Variants in NEMP1 observed in about 807,000 individuals in gnomAD.
NEMP1 encodes the protein transmembrane protein 194.
Under a neutral mutation model 53.7 loss-of-function variants are expected in NEMP1, and 29 were observed. The observed-to-expected ratio is 0.54, with a 90% CI of 0.40 to 0.74. The LOEUF (loss-of-function observed/expected upper bound fraction) is 0.74, where lower values mean the gene tolerates loss of function less well. Ranked by LOEUF, NEMP1 falls within the 30% of genes least tolerant of loss-of-function variation. The probability of loss-of-function intolerance (pLI) is 0.00; values close to 1 mark genes in which losing one functional copy is unlikely to be tolerated. For missense variants in NEMP1, 477 were observed against 528.6 expected, an observed-to-expected ratio of 0.90 and a Z score of 0.96; for synonymous variants, 193 against 192.9, an observed-to-expected ratio of 1.00 and a Z score of 0.00.
At chr12:57,073,552 G>A (rs1444387485) in intron 1 of NEMP1, among the ~76,000 whole-genome samples, 1 of 152,144 alleles carries the variant, frequency 6.6e-6, no homozygotes, top group Admixed American at 6.5e-5. Flanking sequence ...GCTGAGGCAG[G>A]AGAATCACTT....
upstream of NEMP1, among the ~76,000 whole-genome samples, chr12:57,088,448 G>C (rs1420835579): frequency 1.3e-5 from 2 of 152,158 alleles, no homozygotes; most frequent in Non-Finnish European, 2.9e-5. Context: ...CACACTATAC[G>C]GGAGTCAGAT....
chr12:57,084,237 A>G (rs2032930171), intron 1 of NEMP1, among the ~76,000 whole-genome samples: 1 of 152,156 alleles, frequency 6.6e-6, no homozygotes, highest in Non-Finnish European at 1.5e-5. Context: ...GCTGAGATTA[A>G]GGGCATAAAC....
Position 57,058,282 on chromosome 12 carries a change from C to T in NEMP1, c.*1597G>A, listed in dbSNP as rs1313785201. 6.6e-6 allele frequency: 1 copy of T among 152,158 alleles called. No homozygotes were observed. The highest frequency in any genetic ancestry group is 1.5e-5 in the Non-Finnish European group (1 of 68,028). 9.4% of individuals were successfully genotyped at this position (152,158 alleles called of 1,614,324 possible). On this transcript the variant is annotated 3_prime_UTR_variant, in exon 9 of 9. Coordinates refer to ENST00000300128, the MANE Select transcript of NEMP1 (RefSeq NM_001130963.2). Reference sequence around the variant, plus strand: ...TTTGGAAGTCTGCAATGGAGCTAGGCCTTTCAAAATTACCACGCTAAATGG... The same window carrying T: ...TTTGGAAGTCTGCAATGGAGCTAGGTCTTTCAAAATTACCACGCTAAATGG...
In NEMP1 at chr12:57,060,063, G is replaced by T; in HGVS notation, c.1155-4C>A. On this transcript the variant is annotated splice_polypyrimidine_tract_variant and splice_region_variant and intron_variant, in intron 8 of 8. Transcript: ENST00000300128. ...GCCTTCCACAAAGTCAGCAAATCTG[G>T]AAAAGAGAAGATAATACTCGTTAGA... 6.2e-7 allele frequency: 1 copy of T among 1,613,206 alleles called. No homozygotes were observed. Among genetic ancestry groups the T allele is most frequent in the Non-Finnish European group, 8.5e-7 (1 of 1,179,458 alleles).
In NEMP1 at chr12:57,057,264, C is replaced by T. The variant is rs899119100; in HGVS notation, c.*2615G>A. The T allele has an allele frequency of 6.6e-6, 1 of 152,238 alleles. No homozygotes were observed. Among genetic ancestry groups the T allele is most frequent in the South Asian group, 2.1e-4 (1 of 4,832 alleles). The allele number at this position is 152,238 out of a possible 1,614,324, so 9.4% of individuals were successfully genotyped here. On this transcript the variant is annotated 3_prime_UTR_variant, in exon 9 of 9. Transcript: ENST00000300128. ...TGACATTCACCCAGCAAGACGCTGA[C>T]GTGGCAGCAAACACGGCTCCAATGT... is the stretch of plus-strand genomic sequence containing the variant.
At chr12:57,087,242 C>T (rs1245553573) in intron 1 of NEMP1, among the ~76,000 whole-genome samples, 2 of 151,260 alleles carry the variant, frequency 1.3e-5, no homozygotes, top group African/African-American at 2.4e-5. Flanking sequence ...CCTACTCCGC[C>T]TCCTCCTTGG....
At chr12:57,076,233 T>C (rs1768647493) in intron 1 of NEMP1, among the ~76,000 whole-genome samples, 1 of 152,184 alleles carries the variant, frequency 6.6e-6, no homozygotes, top group South Asian at 2.1e-4. Context: ...ACAACATTAA[T>C]AATGATTTTT....
At chr12:57,065,505 T>C in intron 4 of NEMP1, among the ~76,000 whole-genome samples, 1 of 151,368 alleles carries the variant, frequency 6.6e-6, no homozygotes, top group East Asian at 1.9e-4. Flanking sequence ...AGCTTCTATA[T>C]CAGTGCTTGG....
chr12:57,082,688 G>T (rs1008015862), upstream of NEMP1, among the ~76,000 whole-genome samples: 1 of 152,046 alleles, frequency 6.6e-6, no homozygotes, highest in Admixed American at 6.6e-5. Flanking sequence ...CTCCACCCTG[G>T]GTGACAGAGT....
intron 4 of NEMP1, among the ~76,000 whole-genome samples, chr12:57,066,717 C>G (rs1386285034): frequency 6.6e-6 from 1 of 152,108 alleles, no homozygotes; most frequent in Non-Finnish European, 1.5e-5. Context: ...CCACCCAAAT[C>G]TCATCTTGAA....
chr12:57,066,217 T>C (rs1358965232), intron 4 of NEMP1, among the ~76,000 whole-genome samples: 1 of 152,142 alleles, frequency 6.6e-6, no homozygotes, highest in Non-Finnish European at 1.5e-5. Context: ...ATCACGCCAC[T>C]GCACTCCAGC....
intron 7 of NEMP1, among the ~76,000 whole-genome samples, chr12:57,062,557 G>A (rs902191397): frequency 3.9e-5 from 6 of 151,944 alleles, no homozygotes; most frequent in Non-Finnish European, 7.4e-5. Flanking sequence ...GGGCGCAGTG[G>A]CTCATGTCTG....
chr12:57,086,229 C>T (rs2032988121), intron 1 of NEMP1, among the ~76,000 whole-genome samples: 1 of 152,164 alleles, frequency 6.6e-6, no homozygotes, highest in East Asian at 1.9e-4. Flanking sequence ...ACTCCTCTTC[C>T]GCCCACTTTC....
intron 4 of NEMP1, among the ~76,000 whole-genome samples, chr12:57,068,038 T>G (rs960849402): frequency 6.6e-6 from 1 of 152,116 alleles, no homozygotes; most frequent in Non-Finnish European, 1.5e-5. Context: ...CCCAAAGTGC[T>G]AGGATTACAG....
Position 57,063,349 on chromosome 12 carries a change from G to A in NEMP1, c.755-5C>T. On this transcript the variant is annotated splice_region_variant and splice_polypyrimidine_tract_variant and intron_variant, in intron 6 of 8. Transcript: ENST00000300128. ...ATCCAACTGTGAGGACATAACCTATGAGAAGAGTTATCAGAAGACATTCTT... is the reference window on the plus strand; with the variant it reads ...ATCCAACTGTGAGGACATAACCTATAAGAAGAGTTATCAGAAGACATTCTT... The A allele has an allele frequency of 6.2e-7, 1 of 1,609,930 alleles. No individual in the cohort carries two copies. The highest frequency in any genetic ancestry group is 8.5e-7 in the Non-Finnish European group (1 of 1,176,266).
At chr12:57,064,916 T>C (rs141959477) in intron 4 of NEMP1, among the ~76,000 whole-genome samples, 177 bp from the exon 5 acceptor site, 227 of 152,332 alleles carry the variant, frequency 1.5e-3, no homozygotes, top group African/African-American at 5.2e-3. Flanking sequence ...AATATTGCAA[T>C]TGCAGTAAGT....
chr12:57,078,358 T>G (rs1304239254), intron 1 of NEMP1, among the ~76,000 whole-genome samples: 1 of 151,940 alleles, frequency 6.6e-6, no homozygotes, highest in Non-Finnish European at 1.5e-5. Flanking sequence ...TCTCAACCAG[T>G]CTAGGCCTCC....
At chr12:57,086,319 G>A (rs539217251) in intron 1 of NEMP1, among the ~76,000 whole-genome samples, 6 of 152,178 alleles carry the variant, frequency 3.9e-5, no homozygotes, top group Non-Finnish European at 8.8e-5. Flanking sequence ...GAGGAGACCA[G>A]CACAGATAAA....
At chr12:57,084,841 A>G in intron 1 of NEMP1, among the ~76,000 whole-genome samples, 2 of 152,350 alleles carry the variant, frequency 1.3e-5, no homozygotes, top group Middle Eastern at 3.4e-3. Flanking sequence ...GAGAAATTTT[A>G]TATTTATTGA....
Sources: gnomAD v4.1 joint callset for allele counts (sites outside exome capture counted in the v4.1 genomes callset) on GRCh38, gnomAD v4.1.1 for gene constraint, MANE v1.5 for transcripts, NCBI Gene and HGNC (gene_info 2026-07-23, HGNC 2026-07-21) for gene names.